RDX: variants seen among roughly 807,000 people sequenced by gnomAD.
RDX encodes radixin.
Under a neutral mutation model 83.7 loss-of-function variants are expected in RDX, and 32 were observed. The observed-to-expected ratio is 0.38, with a 90% CI of 0.29 to 0.51. The LOEUF (loss-of-function observed/expected upper bound fraction) is 0.51. Among genes scored for constraint, RDX ranks in the 20% least tolerant of loss-of-function variants. The pLI, the probability that RDX is intolerant of heterozygous loss-of-function variation, is 0.87. For synonymous variants in RDX, 229 were observed against 222.7 expected, an observed-to-expected ratio of 1.03 and a Z score of -0.25; for missense variants, 600 against 689.9, an observed-to-expected ratio of 0.87 and a Z score of 1.46.
At chr11:110,225,260 CT>C (rs1250031903), downstream of RDX, among the ~76,000 whole-genome samples, 2 of 152,122 alleles carry the variant, frequency 1.3e-5, no homozygotes, top group Admixed American at 6.5e-5. Context: ...AAATTAAAAA[CT>C]TTTGTGCATC....
At chr11:110,210,906 C>T (rs929189529) in intron 14 of RDX, among the ~76,000 whole-genome samples, 3 of 151,982 alleles carry the variant, frequency 2.0e-5, no homozygotes, top group Admixed American at 6.5e-5. Flanking sequence ...TAAAGACCAT[C>T]GAGACACTAG....
intron 15 of RDX, chr11:110,185,467 G>A (rs2134221135): frequency 6.6e-6 from 1 of 152,296 alleles, no homozygotes; most frequent in African/African-American, 2.4e-5. Flanking sequence ...CAGTCCAGCA[G>A]CCTCAGTTTC....
chr11:110,263,929 A>G, intron 5 of RDX, 31 bp downstream of exon 5: 1 of 1,601,002 alleles, frequency 6.2e-7, no homozygotes, highest in Non-Finnish European at 8.5e-7. Flanking sequence ...CAATTTTCAG[A>G]CAATATAATG....
At chr11:110,280,092 G>T (rs746904381) in intron 1 of RDX, among the ~76,000 whole-genome samples, 22 of 152,242 alleles carry the variant, frequency 1.4e-4, no homozygotes, top group Non-Finnish European at 2.6e-4. Flanking sequence ...CTGTATCCAG[G>T]ATGTTAGAGA....
At chr11:110,272,986 G>C (rs1356971830) in intron 2 of RDX, 1 of 457,034 alleles carries the variant, frequency 2.2e-6, no homozygotes, top group Non-Finnish European at 4.4e-6. Flanking sequence ...CAGCACTTTG[G>C]AAGGCCAAGG....
intron 14 of RDX, among the ~76,000 whole-genome samples, chr11:110,208,731 C>A (rs541318668): frequency 1.3e-5 from 2 of 152,074 alleles, no homozygotes; most frequent in Non-Finnish European, 2.9e-5. Flanking sequence ...GGCTGTCAGG[C>A]GGATCACTTG....
chr11:110,255,428 A>G (rs1481301063), intron 7 of RDX, 43 bp from the exon 8 acceptor site: 1 of 1,034,638 alleles, frequency 9.7e-7, no homozygotes, highest in Admixed American at 1.7e-5. Context: ...GCAGGAAACA[A>G]TGAATAAAAT....
intron 14 of RDX, among the ~76,000 whole-genome samples, chr11:110,202,553 G>A (rs1453194058): frequency 1.3e-5 from 2 of 151,662 alleles, no homozygotes; most frequent in African/African-American, 4.8e-5. Flanking sequence ...CGAGAAGCTG[G>A]GACCACATGT....
intron 15 of RDX, among the ~76,000 whole-genome samples, chr11:110,188,332 T>TAATAATAAC (rs1863029125): frequency 6.7e-6 from 1 of 148,804 alleles, no homozygotes; most frequent in Non-Finnish European, 1.5e-5. Flanking sequence ...ATAATAATAA[T>TAATAATAAC]AATAACAATA....
intron 1 of RDX, among the ~76,000 whole-genome samples, chr11:110,284,854 T>C (rs1860918037): frequency 1.3e-5 from 2 of 152,138 alleles, no homozygotes; most frequent in Admixed American, 1.3e-4. Flanking sequence ...GATGTCTGAA[T>C]ACACAGAAAG....
At chr11:110,224,283 C>T (rs937220187) in intron 14 of RDX, among the ~76,000 whole-genome samples, 6 of 151,362 alleles carry the variant, frequency 4.0e-5, no homozygotes, top group East Asian at 1.9e-4. Flanking sequence ...TACATTATGA[C>T]GGTCATCTGA....
intron 10 of RDX, 28 bp downstream of exon 10, chr11:110,247,675 A>T: frequency 6.2e-7 from 1 of 1,605,338 alleles, no homozygotes; most frequent in Non-Finnish European, 8.5e-7. Flanking sequence ...AATAATTTTT[A>T]ATCCATTTTC....
intron 5 of RDX, among the ~76,000 whole-genome samples, chr11:110,259,116 T>G (rs1475129716): frequency 6.6e-6 from 1 of 152,180 alleles, no homozygotes; most frequent in African/African-American, 2.4e-5. Flanking sequence ...TTTGGTATTT[T>G]TAGTAGAGAC....
rs1864630462 is a variant in RDX, at chr11:110,231,417, A to G, written c.*452T>C. 1 of 232,694 alleles carries G rather than the reference A, an allele frequency of 4.3e-6. No homozygotes were observed. The highest frequency in any genetic ancestry group is 8.5e-6 in the Non-Finnish European group (1 of 117,218). 14.4% of individuals were successfully genotyped at this position (232,694 alleles called of 1,614,324 possible). On this transcript the variant is annotated 3_prime_UTR_variant, in exon 14 of 14. Coordinates refer to ENST00000645495, the MANE Select transcript of RDX (RefSeq NM_002906.4). ...TGATGGTGGAATTATGGCTATGGAC[A>G]TGGCAGATAAGAGAAGGGCACACTG...
intron 9 of RDX, among the ~76,000 whole-genome samples, chr11:110,253,229 AT>A (rs1431375562): frequency 4.6e-5 from 7 of 151,892 alleles, no homozygotes; most frequent in Non-Finnish European, 8.8e-5. Flanking sequence ...GGCTCTTCAA[AT>A]TTTTTTTAAG....
chr11:110,249,487 C>T (rs961484781), intron 9 of RDX, among the ~76,000 whole-genome samples: 1 of 152,164 alleles, frequency 6.6e-6, no homozygotes, highest in African/African-American at 2.4e-5. Context: ...TGTCACAAGT[C>T]AGCAAGAGGT....
Position 110,244,746 on chromosome 11 carries a change from C to T in RDX, c.1090+2957G>A, listed in dbSNP as rs1298936534. Among the ~76,000 whole-genome samples the T allele has an allele frequency of 2.0e-5, 3 of 152,010 alleles. No individual in the cohort carries two copies. The East Asian group carries it at 5.8e-4, about 29-fold the overall frequency. On this transcript the variant is annotated intron_variant, in intron 10 of 13. Transcript: ENST00000645495. ...AATTATAAGCTATATCTCAACAAAG[C>T]TATTAGAAAATGATAAACAAAACTA...
rs36018441 is a variant in RDX at position 110,275,782 on chromosome 11, CTTTTT to C, written c.13-3168_13-3164del. 5.2e-4 allele frequency among the ~76,000 whole-genome samples: 61 copies of C among 117,290 alleles called. 1 individual carries two copies. In the South Asian group the frequency reaches 0.011, roughly 21 times the overall value. The allele number at this position is 117,290 out of a possible 152,430, so 76.9% of individuals were successfully genotyped here. ...ACACAGATACCAGTTTTTTACCATC[CTTTTT>C]TTTTTTTTTTTTTTTGAGAAAGCAT... On this transcript the variant is annotated intron_variant, in intron 2 of 13. Transcript: ENST00000645495.
intron 1 of RDX, among the ~76,000 whole-genome samples, chr11:110,286,496 C>A (rs1331291137): frequency 2.0e-5 from 3 of 152,204 alleles, no homozygotes; most frequent in African/African-American, 4.8e-5. Context: ...GTCAGTGGCA[C>A]AAGACTCACA....
Sources: allele counts gnomAD v4.1 joint callset (sites outside exome capture counted in the v4.1 genomes callset), GRCh38; gene constraint gnomAD v4.1.1; transcripts MANE v1.5; gene names NCBI Gene and HGNC (gene_info 2026-07-23, HGNC 2026-07-21).